The following COMMD10 variants were observed in gnomAD, a reference collection of about 807,000 sequenced individuals.
COMMD10 encodes the protein COMM domain-containing protein 10.
COMMD10 carries 33 observed loss-of-function variants against 28.9 expected under a neutral mutation model. The observed-to-expected ratio is 1.14, with a 90% confidence interval of 0.87 to 1.53. The LOEUF (loss-of-function observed/expected upper bound fraction) is 1.53, where lower values mean the gene tolerates loss of function less well. Among genes scored for constraint, COMMD10 ranks in the 40% most tolerant of loss-of-function variants. The probability of loss-of-function intolerance (pLI) is 0.00; values close to 1 mark genes in which losing one functional copy is unlikely to be tolerated. For synonymous variants in COMMD10, 110 were observed against 81.7 expected (o/e 1.35, Z -1.87); for missense variants, 310 against 233.4 (o/e 1.33, Z -2.14).
chr5:116,202,955 C>G (rs1011537486), intron 5 of COMMD10, among the ~76,000 whole-genome samples: 2 of 151,904 alleles, frequency 1.3e-5, no homozygotes, highest in African/African-American at 4.8e-5. Context: ...ACATGAAGGC[C>G]TTGCCCATGC....
intron 5 of COMMD10, among the ~76,000 whole-genome samples, chr5:116,225,353 G>GGT (rs143964154): frequency 0.015 from 1,741 of 116,462 alleles, 47 homozygotes; most frequent in African/African-American, 0.057. Context: ...TTTTTTTGGG[G>GGT]ATTTTTTTTT....
At chr5:116,235,476 T>A (rs553802077) in intron 5 of COMMD10, among the ~76,000 whole-genome samples, 563 of 152,322 alleles carry the variant, frequency 3.7e-3, no homozygotes, top group Non-Finnish European at 6.6e-3. Flanking sequence ...CTCTCACCTC[T>A]TCATCTATTA....
intron 5 of COMMD10, among the ~76,000 whole-genome samples, chr5:116,141,028 T>C (rs1752180444): frequency 1.3e-5 from 2 of 151,882 alleles, no homozygotes; most frequent in South Asian, 2.1e-4. Context: ...AGGAGCTTTT[T>C]CTCTGTGCTT....
At chr5:116,221,298 C>T (rs1030285476) in intron 5 of COMMD10, among the ~76,000 whole-genome samples, 1 of 152,076 alleles carries the variant, frequency 6.6e-6, no homozygotes, top group African/African-American at 2.4e-5. Context: ...TCCTTAAAAT[C>T]CCCAGCCCAG....
chr5:116,147,157 A>G (rs1469015938), intron 5 of COMMD10, among the ~76,000 whole-genome samples: 2 of 151,272 alleles, frequency 1.3e-5, no homozygotes, highest in East Asian at 1.9e-4. Context: ...TGGATGATGT[A>G]TTTGAGAATC....
intron 4 of COMMD10, among the ~76,000 whole-genome samples, chr5:116,110,386 G>A (rs1273762080): frequency 6.6e-6 from 1 of 152,160 alleles, no homozygotes; most frequent in East Asian, 1.9e-4. Context: ...TGGAGAATGA[G>A]TTAGGGAGAA....
At chr5:116,115,568 TA>T (rs560612273) in intron 4 of COMMD10, among the ~76,000 whole-genome samples, 82 of 152,346 alleles carry the variant, frequency 5.4e-4, no homozygotes, top group South Asian at 3.1e-3. Flanking sequence ...AGTGTTCTTC[TA>T]ACAGGGTTTT....
intron 5 of COMMD10, among the ~76,000 whole-genome samples, chr5:116,272,227 C>G (rs779821253): frequency 1.1e-4 from 17 of 151,434 alleles, no homozygotes; most frequent in Non-Finnish European, 2.2e-4. Flanking sequence ...ACCTTACTAA[C>G]TGAAAAAAAT....
intron 5 of COMMD10, among the ~76,000 whole-genome samples, chr5:116,149,550 A>G (rs1373733345): frequency 1.4e-5 from 2 of 143,518 alleles, no homozygotes; most frequent in Non-Finnish European, 3.0e-5. Flanking sequence ...TTGCCATTCT[A>G]ACCGGTGTGA....
intron 5 of COMMD10, among the ~76,000 whole-genome samples, chr5:116,234,254 A>G (rs1160826564): frequency 6.6e-6 from 1 of 152,196 alleles, no homozygotes; most frequent in Non-Finnish European, 1.5e-5. Context: ...AATACTATCA[A>G]GGAAAGACAG....
chr5:116,213,855 C>T (rs989634352), intron 5 of COMMD10, among the ~76,000 whole-genome samples: 1 of 151,954 alleles, frequency 6.6e-6, no homozygotes, highest in African/African-American at 2.4e-5. Context: ...TGAAATTTTA[C>T]TTATATACCC....
At chr5:116,262,658 A>AT in intron 5 of COMMD10, among the ~76,000 whole-genome samples, 1 of 151,882 alleles carries the variant, frequency 6.6e-6, no homozygotes, top group East Asian at 1.9e-4. Context: ...TATTCCCAAG[A>AT]TTTTCAGTCT....
intron 1 of COMMD10, among the ~76,000 whole-genome samples, chr5:116,087,067 T>G (rs994333686): frequency 2.0e-5 from 3 of 152,266 alleles, no homozygotes; most frequent in Non-Finnish European, 2.9e-5. Context: ...CAGATGATTT[T>G]GTACATAGTA....
rs577120981 is a variant in COMMD10 at position 116,265,634 on chromosome 5, A to T, written c.511-25883A>T. Among the ~76,000 whole-genome samples, 77 of 151,982 alleles carry T rather than the reference A, an allele frequency of 5.1e-4. 3 individuals are homozygous for T. The highest frequency in any genetic ancestry group is 3.4e-3 in the Middle Eastern group (1 of 294). On this transcript the variant is annotated intron_variant, in intron 5 of 6. Transcript: ENST00000274458. ...TCTGTTGTATTCAAGGCCCTGGGCT[A>T]CGTACATGTGGAACATAAAAAATGA...
intron 5 of COMMD10, among the ~76,000 whole-genome samples, chr5:116,280,202 T>G (rs1751035792): frequency 6.6e-6 from 1 of 151,900 alleles, no homozygotes; most frequent in South Asian, 2.1e-4. Context: ...TTCACTAGTT[T>G]AACTTGCATA....
intron 5 of COMMD10, among the ~76,000 whole-genome samples, chr5:116,152,481 A>G (rs569498080): frequency 6.6e-6 from 1 of 152,204 alleles, no homozygotes; most frequent in African/African-American, 2.4e-5. Flanking sequence ...CCTCAATTTT[A>G]ATACTTTGTA....
chr5:116,228,171 C>T (rs866656185), intron 5 of COMMD10, among the ~76,000 whole-genome samples: 52 of 151,894 alleles, frequency 3.4e-4, no homozygotes, highest in Middle Eastern at 6.8e-3. Flanking sequence ...AGTTTGCTTA[C>T]AGGTAAGAGT....
chr5:116,279,248 T>C (rs1030995213), intron 5 of COMMD10, among the ~76,000 whole-genome samples: 1 of 151,838 alleles, frequency 6.6e-6, no homozygotes, highest in African/African-American at 2.4e-5. Context: ...GGGCCAGAGT[T>C]TGGAAGTCTT....
chr5:116,191,148 G>A (rs1413400449), intron 5 of COMMD10, among the ~76,000 whole-genome samples: 3 of 152,106 alleles, frequency 2.0e-5, no homozygotes, highest in Admixed American at 6.6e-5. Flanking sequence ...CCTGGAGCTC[G>A]CTGGATCCCC....
Sources: gnomAD v4.1 joint callset for allele counts (sites outside exome capture counted in the v4.1 genomes callset) on GRCh38, gnomAD v4.1.1 for gene constraint, MANE v1.5 for transcripts, NCBI Gene and HGNC (gene_info 2026-07-23, HGNC 2026-07-21) for gene names.